TMTC1: variants seen among roughly 807,000 people sequenced by gnomAD.
The protein encoded by TMTC1 is transmembrane O-mannosyltransferase targeting cadherins 1, also known as protein O-mannosyl-transferase TMTC1.
Under a neutral mutation model 104.8 loss-of-function variants are expected in TMTC1, and 73 were observed. The observed-to-expected ratio is 0.70, with a 90% CI of 0.58 to 0.85. The LOEUF (loss-of-function observed/expected upper bound fraction) is 0.85, where lower values mean the gene tolerates loss of function less well. Among genes scored for constraint, TMTC1 ranks in the 40% least tolerant of loss-of-function variants. The probability of loss-of-function intolerance (pLI) is 0.00; values close to 1 mark genes in which losing one functional copy is unlikely to be tolerated. For synonymous variants in TMTC1, 434 were observed against 428.7 expected, an observed-to-expected ratio of 1.01 and a Z score of -0.15; for missense variants, 1,035 against 1,096.1, an observed-to-expected ratio of 0.94 and a Z score of 0.79.
chr12:29,728,568 T>C (rs1446202941), intron 5 of TMTC1, among the ~76,000 whole-genome samples: 2 of 152,118 alleles, frequency 1.3e-5, no homozygotes, highest in Non-Finnish European at 2.9e-5. Context: ...ACCTAAGTCC[T>C]CTATCCCTCG....
At chr12:29,597,749 TG>T (rs1181374341) in intron 7 of TMTC1, among the ~76,000 whole-genome samples, 15 of 152,060 alleles carry the variant, frequency 9.9e-5, no homozygotes, top group African/African-American at 3.4e-4. Flanking sequence ...TTAGAGATCA[TG>T]TAACAGAGGG....
At chr12:29,516,143 A>G (rs554514517) in intron 15 of TMTC1, among the ~76,000 whole-genome samples, 6 of 152,284 alleles carry the variant, frequency 3.9e-5, no homozygotes, top group African/African-American at 1.2e-4. Context: ...GCTTTACACC[A>G]AAGATAAGCC....
intron 10 of TMTC1, among the ~76,000 whole-genome samples, chr12:29,553,773 C>T (rs772361960): frequency 6.6e-6 from 1 of 152,130 alleles, no homozygotes; most frequent in Non-Finnish European, 1.5e-5. Flanking sequence ...CTCACATGTA[C>T]TAATTTAAGA....
intron 11 of TMTC1, among the ~76,000 whole-genome samples, chr12:29,521,566 C>CTTTTTTTTTTT (rs3036151): frequency 4.5e-5 from 4 of 89,642 alleles, no homozygotes; most frequent in African/African-American, 6.9e-5. Flanking sequence ...TTCTTTCTTT[C>CTTTTTTTTTTT]TTTTTTTTTT....
intron 6 of TMTC1, among the ~76,000 whole-genome samples, chr12:29,607,678 T>C (rs768615887): frequency 4.6e-5 from 7 of 152,090 alleles, no homozygotes; most frequent in Non-Finnish European, 8.8e-5. Flanking sequence ...CGTGAGTGAG[T>C]GTTCAGGGTC....
intron 11 of TMTC1, among the ~76,000 whole-genome samples, chr12:29,527,907 G>A (rs2136180577): frequency 6.6e-6 from 1 of 152,252 alleles, no homozygotes; most frequent in Middle Eastern, 3.4e-3. Context: ...GACTGAGTGT[G>A]TCAAGGGCAA....
intron 5 of TMTC1, among the ~76,000 whole-genome samples, chr12:29,734,761 C>A (rs760541388): frequency 6.6e-5 from 10 of 152,098 alleles, no homozygotes; most frequent in Non-Finnish European, 1.3e-4. Context: ...TTATTTTCTT[C>A]TTTTCCTTTT....
intron 9 of TMTC1, among the ~76,000 whole-genome samples, chr12:29,567,473 A>G (rs10771550): frequency 0.53 from 81,165 of 152,062 alleles, 24,746 homozygotes; most frequent in Non-Finnish European, 0.67. Context: ...AACACAGCAT[A>G]TATATACTGA....
chr12:29,541,407 G>A (rs1316540641), intron 10 of TMTC1, among the ~76,000 whole-genome samples: 1 of 152,124 alleles, frequency 6.6e-6, no homozygotes, highest in Non-Finnish European at 1.5e-5. Context: ...TGACCCCCAT[G>A]CATCTCAGGC....
At chr12:29,518,429 GA>G (rs1565639199) in intron 13 of TMTC1, 42 bp downstream of exon 13, 1 of 1,595,558 alleles carries the variant, frequency 6.3e-7, no homozygotes, top group Admixed American at 1.7e-5. Context: ...AGTGATTGCT[GA>G]GGTTCCTGGG....
chr12:29,575,912 C>T (rs939208909), intron 8 of TMTC1, among the ~76,000 whole-genome samples: 2 of 152,184 alleles, frequency 1.3e-5, no homozygotes, highest in Non-Finnish European at 2.9e-5. Context: ...CACTTGTTAT[C>T]TCTTGTGTTT....
intron 5 of TMTC1, among the ~76,000 whole-genome samples, chr12:29,677,940 G>A (rs1404241314): frequency 1.3e-5 from 2 of 152,190 alleles, no homozygotes; most frequent in African/African-American, 4.8e-5. Flanking sequence ...CTTCATCACA[G>A]GTATGTATAT....
intron 1 of TMTC1, among the ~76,000 whole-genome samples, chr12:29,772,848 G>A (rs572788910): frequency 2.6e-4 from 40 of 152,008 alleles, no homozygotes; most frequent in African/African-American, 8.2e-4. Flanking sequence ...TTCCTCAAAC[G>A]TTTTTCATAC....
At chr12:29,714,917 C>G (rs1037154011) in intron 5 of TMTC1, among the ~76,000 whole-genome samples, 6 of 152,210 alleles carry the variant, frequency 3.9e-5, no homozygotes, top group Non-Finnish European at 8.8e-5. Context: ...AGAAGGAGTA[C>G]AGTCCAGGAG....
rs373127233 is a variant in TMTC1 at position 29,541,950 on chromosome 12, C to A, written c.1677-5633G>T. ...GGGATTACAGGCATGAGCCACCTCA[C>A]CTGGCCCCACAATAGATTTTTAATC... On this transcript the variant is annotated intron_variant, in intron 10 of 17. Coordinates refer to ENST00000539277, the MANE Select transcript of TMTC1 (RefSeq NM_001193451.2). Among the ~76,000 whole-genome samples the A allele has an allele frequency of 1.7e-4, 26 of 152,312 alleles. 1 individual carries two copies. Among genetic ancestry groups the A allele is most frequent in the Admixed American group, 1.4e-3 (21 of 15,298 alleles).
At chr12:29,632,956 T>C (rs547573320) in intron 6 of TMTC1, among the ~76,000 whole-genome samples, 191 bp downstream of exon 6, 1 of 152,222 alleles carries the variant, frequency 6.6e-6, no homozygotes, top group East Asian at 1.9e-4. Context: ...TCAGTTTCAA[T>C]ACAGGGTTAG....
At chr12:29,569,202 C>A (rs1409526230) in intron 9 of TMTC1, among the ~76,000 whole-genome samples, 3 of 152,072 alleles carry the variant, frequency 2.0e-5, no homozygotes, top group Admixed American at 6.6e-5. Context: ...AAGTCAGTGA[C>A]TTCTGCATTA....
chr12:29,705,237 G>A (rs1941707903), intron 5 of TMTC1, among the ~76,000 whole-genome samples: 1 of 152,110 alleles, frequency 6.6e-6, no homozygotes, highest in Non-Finnish European at 1.5e-5. Flanking sequence ...GTGCACAGGT[G>A]GCCCATCGGT....
At chr12:29,590,619 T>C (rs1946256329) in intron 7 of TMTC1, among the ~76,000 whole-genome samples, 1 of 152,096 alleles carries the variant, frequency 6.6e-6, no homozygotes, top group Non-Finnish European at 1.5e-5. Context: ...ACCCTGTCTC[T>C]ACTAAAAATA....
Sources: gnomAD v4.1 joint callset for allele counts (sites outside exome capture counted in the v4.1 genomes callset) on GRCh38, gnomAD v4.1.1 for gene constraint, MANE v1.5 for transcripts, NCBI Gene and HGNC (gene_info 2026-07-23, HGNC 2026-07-21) for gene names.